RBMS3: variants seen among roughly 807,000 people sequenced by gnomAD.
RBMS3 encodes the protein RNA binding motif single stranded interacting protein 3, also known as RNA-binding motif, single-stranded-interacting protein 3.
Under a neutral mutation model 66.8 loss-of-function variants are expected in RBMS3, and 27 were observed. The ratio of observed to expected loss-of-function variants is 0.40; its 90% CI spans 0.30 to 0.56. The LOEUF (loss-of-function observed/expected upper bound fraction) is 0.56, where lower values mean the gene tolerates loss of function less well. Ranked by LOEUF, RBMS3 falls within the 20% of genes least tolerant of loss-of-function variation. RBMS3 has a pLI of 0.40. For synonymous variants in RBMS3, 188 were observed against 183.0 expected (o/e 1.03, Z -0.22); for missense variants, 513 against 549.5 (o/e 0.93, Z 0.66).
intron 6 of RBMS3, among the ~76,000 whole-genome samples, chr3:29,803,951 C>A (rs2057465549): frequency 6.6e-6 from 1 of 151,940 alleles, no homozygotes; most frequent in South Asian, 2.1e-4. Flanking sequence ...ATTCTTCTAT[C>A]TGTATTTTTT....
intron 14 of RBMS3, among the ~76,000 whole-genome samples, chr3:29,992,341 C>T (rs1410255184): frequency 2.0e-5 from 3 of 152,146 alleles, no homozygotes; most frequent in Non-Finnish European, 2.9e-5. Flanking sequence ...AATCCCAGCA[C>T]TATGGGAGGC....
chr3:29,295,001 CTGT>C, intron 1 of RBMS3, among the ~76,000 whole-genome samples: 2 of 151,542 alleles, frequency 1.3e-5, no homozygotes. Flanking sequence ...CACAATTTCC[CTGT>C]ACAATTACCT....
At chr3:29,948,224 T>TA (rs1695447729) in intron 12 of RBMS3, among the ~76,000 whole-genome samples, 1 of 151,752 alleles carries the variant, frequency 6.6e-6, no homozygotes, top group Non-Finnish European at 1.5e-5. Context: ...GCTCTACGAA[T>TA]AAAGTTCTTC....
At chr3:29,997,016 G>A (rs919034553) in intron 14 of RBMS3, among the ~76,000 whole-genome samples, 106 of 151,534 alleles carry the variant, frequency 7.0e-4, no homozygotes, top group Non-Finnish European at 1.0e-3. Context: ...TTGATAGACC[G>A]CTAGCAAGAC....
intron 1 of RBMS3, among the ~76,000 whole-genome samples, chr3:29,308,618 C>A (rs548224178): frequency 2.0e-5 from 3 of 150,434 alleles, no homozygotes; most frequent in Non-Finnish European, 3.0e-5. Flanking sequence ...GGAGGATGTG[C>A]GATTTGATAT....
At chr3:29,550,908 C>G (rs2046160274) in intron 3 of RBMS3, among the ~76,000 whole-genome samples, 1 of 152,118 alleles carries the variant, frequency 6.6e-6, no homozygotes, top group Non-Finnish European at 1.5e-5. Flanking sequence ...GTCACATGGC[C>G]TAAGTATAAC....
At chr3:29,855,390 A>G (rs2059045987) in intron 6 of RBMS3, among the ~76,000 whole-genome samples, 1 of 152,234 alleles carries the variant, frequency 6.6e-6, no homozygotes, top group African/African-American at 2.4e-5. Flanking sequence ...GTTAAATTTA[A>G]TTGCTTCTAC....
intron 4 of RBMS3, among the ~76,000 whole-genome samples, chr3:29,706,936 T>C (rs1016459596): frequency 6.6e-6 from 1 of 152,320 alleles, no homozygotes; most frequent in Middle Eastern, 3.4e-3. Context: ...GGTTTGCTAC[T>C]TATATGTTCT....
At chr3:29,580,399 A>C (rs1011176877) in intron 3 of RBMS3, among the ~76,000 whole-genome samples, 1 of 152,140 alleles carries the variant, frequency 6.6e-6, no homozygotes, top group Non-Finnish European at 1.5e-5. Flanking sequence ...TTTTACCATC[A>C]TGGCACTTAC....
intron 8 of RBMS3, among the ~76,000 whole-genome samples, chr3:29,895,763 G>A (rs1198462638): frequency 6.6e-6 from 1 of 151,432 alleles, no homozygotes; most frequent in Non-Finnish European, 1.5e-5. Context: ...GCATTGCTGG[G>A]CCATAGGGAA....
Position 29,691,949 on chromosome 3 carries a change from AT to A in RBMS3, c.400-47753del, listed in dbSNP as rs1294126975. On this transcript the variant is annotated intron_variant, in intron 4 of 14. Coordinates refer to ENST00000383767, the MANE Select transcript of RBMS3 (RefSeq NM_001003793.3). Reference sequence around the variant, plus strand: ...GTGACCCTTCTCTCTCTCTCTCTCTATTTTTTTTTTTTTTTTTTGAGATGGA... The same window carrying A: ...GTGACCCTTCTCTCTCTCTCTCTCTATTTTTTTTTTTTTTTTTGAGATGGA... Among the ~76,000 whole-genome samples the A allele has an allele frequency of 3.9e-3, 254 of 65,004 alleles. 3 individuals are homozygous for A. Among genetic ancestry groups the A allele is most frequent in the Middle Eastern group, 0.022 (2 of 90 alleles). 42.6% of individuals were successfully genotyped at this position (65,004 alleles called of 152,430 possible).
At position 29,946,384 on chromosome 3, in the gene RBMS3, C is replaced by T. The variant is rs533837881; in HGVS notation, c.1098+2130C>T. Among the ~76,000 whole-genome samples the T allele has an allele frequency of 1.4e-4, 21 of 151,634 alleles. No homozygotes were observed. The South Asian group carries it at 2.9e-3, about 21-fold the overall frequency. The stretch of plus-strand genomic sequence containing the variant: ...CTAAATTGTTTTAATTGATTGTAGT[C>T]GAGATATCTGCTTGACAATTTACAG... On this transcript the variant is annotated intron_variant, in intron 12 of 14. Coordinates refer to ENST00000383767, the MANE Select transcript of RBMS3 (RefSeq NM_001003793.3).
intron 1 of RBMS3, among the ~76,000 whole-genome samples, chr3:29,327,998 C>T (rs2035437423): frequency 3.3e-5 from 5 of 152,146 alleles, no homozygotes; most frequent in Non-Finnish European, 7.4e-5. Context: ...TGATTGTTAT[C>T]TATGACCAAA....
At chr3:29,988,060 A>T in intron 12 of RBMS3, 83 bp from the exon 13 acceptor site, 6 of 1,146,100 alleles carry the variant, frequency 5.2e-6, no homozygotes, top group Non-Finnish European at 7.8e-6. Context: ...CCCCATAGCT[A>T]AAGCAGTCTC....
At chr3:29,776,899 G>C (rs1433667375) in intron 6 of RBMS3, among the ~76,000 whole-genome samples, 1 of 151,864 alleles carries the variant, frequency 6.6e-6, no homozygotes, top group African/African-American at 2.4e-5. Flanking sequence ...ACAGTTTTCT[G>C]AGATAATTGG....
chr3:29,436,710 G>C (rs998017349), intron 2 of RBMS3, among the ~76,000 whole-genome samples: 4 of 152,134 alleles, frequency 2.6e-5, no homozygotes, highest in Middle Eastern at 3.2e-3. Context: ...AGCTATTAGG[G>C]AAAGGTTCTT....
At chr3:29,995,450 G>C (rs1443934158) in intron 14 of RBMS3, among the ~76,000 whole-genome samples, 1 of 151,840 alleles carries the variant, frequency 6.6e-6, no homozygotes, top group African/African-American at 2.4e-5. Flanking sequence ...GCAACTCCAA[G>C]ACACATAATT....
intron 12 of RBMS3, among the ~76,000 whole-genome samples, chr3:29,965,033 T>G (rs1291026265): frequency 6.6e-6 from 1 of 152,188 alleles, no homozygotes; most frequent in Non-Finnish European, 1.5e-5. Flanking sequence ...TCCAGGTCAC[T>G]GCAAATGCTG....
intron 1 of RBMS3, among the ~76,000 whole-genome samples, chr3:29,331,615 A>T (rs553940150): frequency 6.6e-6 from 1 of 151,962 alleles, no homozygotes; most frequent in East Asian, 1.9e-4. Context: ...TTTTTCTGTG[A>T]TCCATGTAGA....
Sources: gnomAD v4.1 joint callset for allele counts (sites outside exome capture counted in the v4.1 genomes callset) on GRCh38, gnomAD v4.1.1 for gene constraint, MANE v1.5 for transcripts, NCBI Gene and HGNC (gene_info 2026-07-23, HGNC 2026-07-21) for gene names.